Variants in FHIT observed in about 807,000 individuals in gnomAD.
FHIT encodes bis(5'-adenosyl)-triphosphatase.
FHIT carries 19 observed loss-of-function variants against 17.9 expected under a neutral mutation model. The observed-to-expected ratio is 1.06, with a 90% CI of 0.74 to 1.56. The LOEUF (loss-of-function observed/expected upper bound fraction) is 1.56, where lower values mean the gene tolerates loss of function less well. FHIT is among the 40% of genes most tolerant of loss of function. The pLI is 0.00. For synonymous variants in FHIT, 81 were observed against 69.7 expected (o/e 1.16, Z -0.81); for missense variants, 248 against 189.2 (o/e 1.31, Z -1.82).
rs1387331032 is a variant in FHIT, at chr3:60,066,775, G to T, written c.104-52623C>A. ...GGGTTCACGCCATTCTCCTGCCTCA[G>T]CCTCCCGAGTAGCTGGAACAACAGG... On this transcript the variant is annotated intron_variant, in intron 5 of 9. Coordinates refer to ENST00000492590, the MANE Select transcript of FHIT (RefSeq NM_002012.4). Among the ~76,000 whole-genome samples, 3 of 149,962 alleles carry T rather than the reference G, an allele frequency of 2.0e-5. No homozygotes were observed. The Admixed American group carries it at 2.0e-4, about 10-fold the overall frequency.
chr3:60,155,628 C>A (rs1263419580), intron 5 of FHIT, among the ~76,000 whole-genome samples: 1 of 152,146 alleles, frequency 6.6e-6, no homozygotes, highest in African/African-American at 2.4e-5. Flanking sequence ...ATCAAATACC[C>A]CAATACTCAG....
intron 8 of FHIT, among the ~76,000 whole-genome samples, chr3:59,773,608 C>T (rs1467381105): frequency 6.6e-6 from 1 of 152,156 alleles, no homozygotes; most frequent in Non-Finnish European, 1.5e-5. Flanking sequence ...TTTCACGAAG[C>T]CTTCCTGGAG....
chr3:60,658,916 T>C (rs1373628573), intron 4 of FHIT, among the ~76,000 whole-genome samples: 2 of 152,060 alleles, frequency 1.3e-5, no homozygotes, highest in Non-Finnish European at 2.9e-5. Context: ...GAACTCATTT[T>C]AGCATTTCTT....
chr3:60,954,689 T>C (rs192076571), intron 3 of FHIT, among the ~76,000 whole-genome samples: 79 of 152,286 alleles, frequency 5.2e-4, no homozygotes, highest in African/African-American at 1.4e-3. Context: ...ATGGATTTCA[T>C]TTTCCAAAAG....
chr3:60,563,111 G>A (rs865856444), intron 4 of FHIT, among the ~76,000 whole-genome samples: 1 of 152,194 alleles, frequency 6.6e-6, no homozygotes, highest in Non-Finnish European at 1.5e-5. Context: ...GTGCTGCAGA[G>A]AGAGTGGACA....
At chr3:60,109,617 C>A (rs901451366) in intron 5 of FHIT, among the ~76,000 whole-genome samples, 8 of 152,080 alleles carry the variant, frequency 5.3e-5, no homozygotes, top group African/African-American at 1.9e-4. Flanking sequence ...ATAACAGAAG[C>A]AAGTGGTTAA....
intron 8 of FHIT, among the ~76,000 whole-genome samples, chr3:59,834,414 T>C (rs1342610460): frequency 6.6e-6 from 1 of 151,874 alleles, no homozygotes; most frequent in South Asian, 2.1e-4. Context: ...AGATAGATGA[T>C]AGAGAGAGAG....
intron 3 of FHIT, among the ~76,000 whole-genome samples, chr3:60,972,719 C>T (rs967774352): frequency 1.3e-5 from 2 of 152,060 alleles, no homozygotes; most frequent in African/African-American, 4.8e-5. Flanking sequence ...TTACACTAAC[C>T]AATATGTCTC....
intron 5 of FHIT, among the ~76,000 whole-genome samples, chr3:60,361,509 T>TC (rs1699905851): frequency 6.6e-6 from 1 of 152,084 alleles, no homozygotes; most frequent in Admixed American, 6.6e-5. Flanking sequence ...GATGCAAGAC[T>TC]CCCCTCCTTT....
intron 2 of FHIT, among the ~76,000 whole-genome samples, chr3:61,191,304 T>G (rs1167612105): frequency 6.6e-6 from 1 of 152,034 alleles, no homozygotes; most frequent in African/African-American, 2.4e-5. Flanking sequence ...ATGGAGAAAT[T>G]TGCCCTGTTT....
intron 4 of FHIT, among the ~76,000 whole-genome samples, chr3:60,571,010 C>T (rs111405405): frequency 0.042 from 6,429 of 151,984 alleles, 457 homozygotes; most frequent in African/African-American, 0.15. Flanking sequence ...AAATAAATGG[C>T]ACAACCACAA....
intron 4 of FHIT, among the ~76,000 whole-genome samples, chr3:60,589,706 A>C (rs2038019927): frequency 6.6e-6 from 1 of 152,038 alleles, no homozygotes; most frequent in African/African-American, 2.4e-5. Context: ...AAGTTGTAGC[A>C]ATTTAAACTT....
intron 5 of FHIT, among the ~76,000 whole-genome samples, chr3:60,224,584 T>C (rs2107539993): frequency 6.6e-6 from 1 of 152,272 alleles, no homozygotes; most frequent in South Asian, 2.1e-4. Flanking sequence ...CTGCCTGACG[T>C]ACTGATTATC....
chr3:59,897,681 A>G (rs993734268), intron 8 of FHIT, among the ~76,000 whole-genome samples: 1 of 152,200 alleles, frequency 6.6e-6, no homozygotes, highest in African/African-American at 2.4e-5. Context: ...CTCCATTTAT[A>G]TAAGAAGCTG....
At position 60,691,913 on chromosome 3, in the gene FHIT, C is replaced by T. The variant is rs142625214; in HGVS notation, c.-18+130006G>A. ...TGGGAGGTCAACATTTACTCTGAGT[C>T]TCTGAGATACTGTTCCCTTTTCCTT... is the stretch of plus-strand genomic sequence containing the variant. On this transcript the variant is annotated intron_variant, in intron 4 of 9. Transcript: ENST00000492590. 2.5e-3 allele frequency among the ~76,000 whole-genome samples: 376 copies of T among 152,268 alleles called. 8 individuals are homozygous for T. The East Asian group carries it at 0.055, about 22-fold the overall frequency.
At chr3:60,367,242 A>C (rs6768883) in intron 5 of FHIT, among the ~76,000 whole-genome samples, 59,245 of 151,974 alleles carry the variant, frequency 0.39, 11,793 homozygotes, top group Non-Finnish European at 0.43. Context: ...TGCTGCCTGG[A>C]CATTCAAACC....
chr3:60,058,125 G>T (rs1702155013), intron 5 of FHIT, among the ~76,000 whole-genome samples: 1 of 137,996 alleles, frequency 7.2e-6, no homozygotes, highest in Non-Finnish European at 1.5e-5. Flanking sequence ...TGAGTACAGA[G>T]TTGTGTTTTT....
chr3:60,904,004 G>A (rs1706260021), intron 3 of FHIT, among the ~76,000 whole-genome samples: 1 of 152,108 alleles, frequency 6.6e-6, no homozygotes, highest in South Asian at 2.1e-4. Context: ...AGGTACTTAG[G>A]GTTTCTCATA....
At chr3:60,530,999 A>C (rs576028403) in intron 5 of FHIT, among the ~76,000 whole-genome samples, 2 of 152,204 alleles carry the variant, frequency 1.3e-5, no homozygotes, top group Non-Finnish European at 2.9e-5. Flanking sequence ...TGCTAAATGC[A>C]TGTCTTTGAA....
Sources: gnomAD v4.1 joint callset for allele counts (sites outside exome capture counted in the v4.1 genomes callset) on GRCh38, gnomAD v4.1.1 for gene constraint, MANE v1.5 for transcripts, NCBI Gene and HGNC (gene_info 2026-07-23, HGNC 2026-07-21) for gene names.